KCNQ1OT1: variants seen among roughly 807,000 people sequenced by gnomAD.
KCNQ1OT1 encodes KCNQ1 opposite strand/antisense transcript 1.
At chr11:2,634,815 A>G (rs1849430074) in exon 1 of KCNQ1OT1, 1 of 152,124 alleles carries the variant, frequency 6.6e-6, no homozygotes, top group Non-Finnish European at 1.5e-5. Flanking sequence ...AAGCGTTCCT[A>G]TTTCTCCACA....
At chr11:2,656,187 T>A (rs774153701) in exon 1 of KCNQ1OT1, 3 of 398,430 alleles carry the variant, frequency 7.5e-6, no homozygotes, top group Non-Finnish European at 1.3e-5. Flanking sequence ...CTTTCTTCCT[T>A]CCTTTAAAAA....
chr11:2,655,285 C>G (rs1353836649), exon 1 of KCNQ1OT1: 1 of 398,620 alleles, frequency 2.5e-6, no homozygotes. Flanking sequence ...TTGTTTTGTT[C>G]TGCCCTGAAA....
Position 2,677,907 on chromosome 11 carries a change from C to A in KCNQ1OT1, n.22088G>T. The A allele has an allele frequency of 2.5e-6, 1 of 398,512 alleles. No individual in the cohort carries two copies. 24.7% of individuals were successfully genotyped at this position (398,512 alleles called of 1,614,324 possible). ...TTCCCCCACCCTTACCAAGTGTATA[C>A]TCAGGTTTTTATCTTCATTCATTTC... On this transcript the variant is annotated non_coding_transcript_exon_variant, in exon 1 of 1. Transcript: ENST00000597346. This position sits in a 1 kb window ranked among gnomAD's most constrained non-coding sequence, Gnocchi z 4.5.
chr11:2,655,260 T>G (rs913703905), exon 1 of KCNQ1OT1: 7 of 398,428 alleles, frequency 1.8e-5, no homozygotes, highest in Non-Finnish European at 3.1e-5. Context: ...CCTCCCACTT[T>G]CCTAGAAAAC....
At position 2,651,349 on chromosome 11, in the gene KCNQ1OT1, T is replaced by C. The variant is rs1395527473; in HGVS notation, n.48646A>G. The C allele has an allele frequency of 2.5e-6, 1 of 398,606 alleles. No homozygotes were observed. 24.7% of individuals were successfully genotyped at this position (398,606 alleles called of 1,614,324 possible). A position where few individuals can be genotyped will look rare whatever the true frequency, so the allele number is the denominator to read the frequency against. Reference sequence around the variant, plus strand: ...GAGTTCTACAAGCGGCTGAGAGAGCTGGGGTATTTATCTTTCACTAGTGAG... The same window carrying C: ...GAGTTCTACAAGCGGCTGAGAGAGCCGGGGTATTTATCTTTCACTAGTGAG... On this transcript the variant is annotated non_coding_transcript_exon_variant, in exon 1 of 1. Coordinates refer to ENST00000597346, the Ensembl canonical transcript of KCNQ1OT1. This position sits in a 1 kb window ranked among gnomAD's most constrained non-coding sequence, Gnocchi z 6.1.
chr11:2,682,023 GAAT>G lies in KCNQ1OT1; in HGVS notation n.17969_17971del, dbSNP rs1272118911. On this transcript the variant is annotated non_coding_transcript_exon_variant, in exon 1 of 1. Coordinates refer to ENST00000597346, the Ensembl canonical transcript of KCNQ1OT1. This position sits in a 1 kb window ranked among gnomAD's most constrained non-coding sequence, Gnocchi z 5.8. ...ATCCTCACAGCAGCTTTTAACACAAGAATATTATCACTCCTGTTTTATAGATAA... is the reference window on the plus strand; with the variant it reads ...ATCCTCACAGCAGCTTTTAACACAAGATTATCACTCCTGTTTTATAGATAA... 1 of 398,412 alleles carries G rather than the reference GAAT, an allele frequency of 2.5e-6. No individual in the cohort carries two copies. The highest frequency in any genetic ancestry group is 3.6e-5 in the East Asian group (1 of 28,094). 24.7% of individuals were successfully genotyped at this position (398,412 alleles called of 1,614,324 possible).
chr11:2,690,946 T>C lies in KCNQ1OT1; in HGVS notation n.9049A>G, dbSNP rs1202782410. 2.5e-6 allele frequency: 1 copy of C among 398,632 alleles called. No homozygotes were observed. Among genetic ancestry groups the C allele is most frequent in the Non-Finnish European group, 4.4e-6 (1 of 226,068 alleles). 24.7% of individuals were successfully genotyped at this position (398,632 alleles called of 1,614,324 possible). On this transcript the variant is annotated non_coding_transcript_exon_variant, in exon 1 of 1. Transcript: ENST00000597346. This position sits in a 1 kb window ranked among gnomAD's most constrained non-coding sequence, Gnocchi z 5.1. ...GCTTTAAGCCAACCTGAAAGGTTCA[T>C]TTGGGAGTCACGGGTATGTGTCAAC...
chr11:2,699,908 G>A (rs967397109), exon 1 of KCNQ1OT1: 1 of 398,036 alleles, frequency 2.5e-6, no homozygotes, highest in Non-Finnish European at 4.4e-6. Flanking sequence ...GAGGCACCCC[G>A]GCAGAATCGC....
exon 1 of KCNQ1OT1, chr11:2,656,486 C>A: frequency 5.0e-6 from 2 of 398,698 alleles, no homozygotes; most frequent in Non-Finnish European, 8.8e-6. Context: ...CACTCGCCCC[C>A]ACGGGCCATG....
In KCNQ1OT1 at chr11:2,642,702, TTA is replaced by T; in HGVS notation, n.57291_57292del. On this transcript the variant is annotated non_coding_transcript_exon_variant, in exon 1 of 1. Coordinates refer to ENST00000597346, the Ensembl canonical transcript of KCNQ1OT1. This position sits in a 1 kb window ranked among gnomAD's most constrained non-coding sequence, Gnocchi z 4.3. Reference sequence around the variant, plus strand: ...CGTTATTTCTTTCCTTCTACTAATTTTATGTTTAGTATGGTTTGTTCTTGCTT... The same window carrying T: ...CGTTATTTCTTTCCTTCTACTAATTTTGTTTAGTATGGTTTGTTCTTGCTT... 2.5e-6 allele frequency: 1 copy of T among 397,944 alleles called. No homozygotes were observed. Among genetic ancestry groups the T allele is most frequent in the Non-Finnish European group, 4.4e-6 (1 of 225,698 alleles). The allele number at this position is 397,944 out of a possible 1,614,324, so 24.7% of individuals were successfully genotyped here. A position where few individuals can be genotyped will look rare whatever the true frequency, so the allele number is the denominator to read the frequency against.
exon 1 of KCNQ1OT1, chr11:2,610,154 A>G (rs1848955300): frequency 5.0e-6 from 2 of 397,276 alleles, no homozygotes; most frequent in Admixed American, 4.4e-5. Flanking sequence ...CATTTCTTTT[A>G]TGATTCTTCA....
In KCNQ1OT1 at chr11:2,621,492, T is replaced by C; in HGVS notation, n.78503A>G. 2 of 398,608 alleles carry C rather than the reference T, an allele frequency of 5.0e-6. No homozygotes were observed. The highest frequency in any genetic ancestry group is 8.8e-6 in the Non-Finnish European group (2 of 226,066). The allele number at this position is 398,608 out of a possible 1,614,324, so 24.7% of individuals were successfully genotyped here. On this transcript the variant is annotated non_coding_transcript_exon_variant, in exon 1 of 1. Transcript: ENST00000597346. This position sits in a 1 kb window ranked among gnomAD's most constrained non-coding sequence, Gnocchi z 5.7. Reference sequence around the variant, plus strand: ...TGCAAATATTTTTTCTCCCATTCTATATGTTGTCTGTTTACTCTGTTGATA... The same window carrying C: ...TGCAAATATTTTTTCTCCCATTCTACATGTTGTCTGTTTACTCTGTTGATA...
chr11:2,640,481 G>T, exon 1 of KCNQ1OT1: 1 of 398,116 alleles, frequency 2.5e-6, no homozygotes, highest in Non-Finnish European at 4.4e-6. Context: ...AGACAGGGTC[G>T]TGCATTGTTG....
chr11:2,646,915 A>G (rs776565467), exon 1 of KCNQ1OT1: 1 of 398,658 alleles, frequency 2.5e-6, no homozygotes, highest in Non-Finnish European at 4.4e-6. Context: ...TTTTCTATGT[A>G]TAAGATTATG....
At chr11:2,631,221 C>G (rs937351012) in exon 1 of KCNQ1OT1, 2 of 398,418 alleles carry the variant, frequency 5.0e-6, no homozygotes, top group African/African-American at 4.1e-5. Flanking sequence ...CCTGTGTGAA[C>G]ATTAACTCTC....
rs1002655705 is a variant in KCNQ1OT1, at chr11:2,683,383, G to T, written n.16612C>A. On this transcript the variant is annotated non_coding_transcript_exon_variant, in exon 1 of 1. Transcript: ENST00000597346. The surrounding 1 kb of genome is among the most constrained non-coding windows in gnomAD (Gnocchi z 4.7). ...TGCTGTCTGCAAATGCAGGTTCCTGGGGCTCTGGGTGGTTTGTCCAATGGC... is the reference window on the plus strand; with the variant it reads ...TGCTGTCTGCAAATGCAGGTTCCTGTGGCTCTGGGTGGTTTGTCCAATGGC... 5 of 398,512 alleles carry T rather than the reference G, an allele frequency of 1.3e-5. No homozygotes were observed. The highest frequency in any genetic ancestry group is 1.0e-4 in the African/African-American group (5 of 48,630). 24.7% of individuals were successfully genotyped at this position (398,512 alleles called of 1,614,324 possible). A position where few individuals can be genotyped will look rare whatever the true frequency, so the allele number is the denominator to read the frequency against.
exon 1 of KCNQ1OT1, chr11:2,696,425 T>C (rs1349006687): frequency 7.5e-6 from 3 of 398,596 alleles, no homozygotes; most frequent in Non-Finnish European, 1.3e-5. Context: ...GAGTTACCTC[T>C]GAGCTCTCTT....
At chr11:2,667,143 G>A (rs1164330601) in exon 1 of KCNQ1OT1, 2 of 398,646 alleles carry the variant, frequency 5.0e-6, no homozygotes, top group Non-Finnish European at 8.8e-6. Flanking sequence ...ATGGGATTGG[G>A]AATCAGATGC....
exon 1 of KCNQ1OT1, chr11:2,629,038 T>G: frequency 2.5e-6 from 1 of 398,364 alleles, no homozygotes; most frequent in South Asian, 1.3e-4. Context: ...TCTTTCACTT[T>G]GTTCTTATTG....
Sources: allele counts gnomAD v4.1 joint callset, GRCh38; gene constraint gnomAD v4.1.1; non-coding constraint Gnocchi (gnomAD v3.1); transcripts MANE v1.5; gene names NCBI Gene and HGNC (gene_info 2026-07-23, HGNC 2026-07-21).